The following MROH2B variants were observed in gnomAD, a reference collection of about 807,000 sequenced individuals.
MROH2B encodes the protein maestro heat like repeat family member 2B, also known as maestro heat-like repeat-containing protein family member 2B.
A neutral mutation model predicts 208.6 loss-of-function variants in MROH2B; 177 were observed. The observed-to-expected ratio is 0.85, with a 90% confidence interval of 0.75 to 0.96. MROH2B has a LOEUF of 0.96. Among genes scored for constraint, MROH2B ranks in the 40% least tolerant of loss-of-function variants. The pLI is 0.00. For missense variants in MROH2B, 2,002 were observed against 1,878.7 expected, an observed-to-expected ratio of 1.07 and a Z score of -1.21; for synonymous variants, 728 against 659.0, an observed-to-expected ratio of 1.10 and a Z score of -1.60.
chr5:41,032,996 A>G (rs2150166894), intron 23 of MROH2B, 45 bp downstream of exon 23: 1 of 1,609,642 alleles, frequency 6.2e-7, no homozygotes, highest in South Asian at 1.1e-5. Context: ...AACTCTTGGT[A>G]ATGGAATACT....
Position 41,005,413 on chromosome 5 carries a change from A to ACCC in MROH2B, c.3864+115_3864+117dup, listed in dbSNP as rs1554046603. On this transcript the variant is annotated intron_variant, in intron 35 of 41. Coordinates refer to ENST00000399564, the MANE Select transcript of MROH2B (RefSeq NM_173489.5). ...CAGTAGCTGGTCTCTCCTCTATGAA[A>ACCC]CCCCCCCCCCCCTTGAAGTCTCTCT... The ACCC allele has an allele frequency of 7.4e-4, 152 of 204,642 alleles. 2 individuals are homozygous for ACCC. Among genetic ancestry groups the ACCC allele is most frequent in the Admixed American group, 3.9e-3 (61 of 15,696 alleles). The allele number at this position is 204,642 out of a possible 1,614,324, so 12.7% of individuals were successfully genotyped here.
At chr5:41,024,480 G>A (rs1424009650) in intron 24 of MROH2B, among the ~76,000 whole-genome samples, 3 of 152,114 alleles carry the variant, frequency 2.0e-5, no homozygotes, top group South Asian at 4.1e-4. Context: ...AACAAGAAGA[G>A]CTAACTATCC....
intron 35 of MROH2B, chr5:41,005,261 A>G (rs1741540028): frequency 9.4e-6 from 5 of 534,564 alleles, no homozygotes; most frequent in South Asian, 2.9e-5. Context: ...CAGTGCTACA[A>G]TGCTTTGTTT....
intron 12 of MROH2B, 28 bp downstream of exon 12, chr5:41,052,437 A>G (rs1257657546): frequency 1.9e-6 from 3 of 1,584,728 alleles, no homozygotes; most frequent in Non-Finnish European, 1.7e-6. Flanking sequence ...TTTATAGTGC[A>G]TCACTCAAAA....
At chr5:41,070,721 C>T (rs1245298291) in intron 1 of MROH2B, 104 bp downstream of exon 1, 2 of 1,141,830 alleles carry the variant, frequency 1.8e-6, no homozygotes, top group Non-Finnish European at 2.6e-6. Flanking sequence ...GTGTACAGTC[C>T]TCCCACAATG....
At chr5:41,015,037 C>T (rs890814661) in intron 29 of MROH2B, among the ~76,000 whole-genome samples, 4 of 152,200 alleles carry the variant, frequency 2.6e-5, no homozygotes, top group Admixed American at 6.5e-5. Flanking sequence ...ACAACAACCA[C>T]AAAATGGTCT....
rs61745467 is a variant in MROH2B, at chr5:40,998,639, A to G, written c.4624T>C (p.Leu1542=). ...VLNLTSQYVE[L]LDREQLTTRL... ...GTGGTCAGTTGTTCTCTGTCTAGTAACTCCACATATTGGCTGGTCAAATTG... is the reference window on the plus strand; with the variant it reads ...GTGGTCAGTTGTTCTCTGTCTAGTAGCTCCACATATTGGCTGGTCAAATTG... Residue 1542 remains leucine, a synonymous_variant, in exon 41 of 42, where the codon TTA becomes CTA. Transcript: ENST00000399564. The G allele has an allele frequency of 8.6e-4, 1,376 of 1,596,300 alleles. 12 individuals are homozygous for G. The African/African-American group carries it at 0.015, about 17-fold the overall frequency.
At chr5:41,021,231 T>A (rs753132807) in intron 24 of MROH2B, among the ~76,000 whole-genome samples, 2 of 152,150 alleles carry the variant, frequency 1.3e-5, no homozygotes, top group African/African-American at 2.4e-5. Flanking sequence ...TACTTAGGAA[T>A]AAACTTAACC....
chr5:41,035,233 A>G (rs1248314612), intron 21 of MROH2B, among the ~76,000 whole-genome samples: 1 of 152,134 alleles, frequency 6.6e-6, no homozygotes, highest in Non-Finnish European at 1.5e-5. Context: ...TGGCACAAAA[A>G]CAGACACATA....
intron 18 of MROH2B, among the ~76,000 whole-genome samples, chr5:41,042,862 C>T (rs1243276654): frequency 6.6e-6 from 1 of 152,212 alleles, no homozygotes; most frequent in Non-Finnish European, 1.5e-5. Context: ...GCTTCAGCCT[C>T]CTGAAGTGCT....
chr5:41,005,136 C>T (rs1189101009), intron 35 of MROH2B: 5 of 582,380 alleles, frequency 8.6e-6, no homozygotes, highest in Non-Finnish European at 1.5e-5. Context: ...AACCCGGTTA[C>T]CTGCATAACA....
chr5:41,009,346 C>G lies in MROH2B; in HGVS notation c.3354G>C (p.Leu1118Phe), dbSNP rs749731943. Residue 1118 changes from leucine (L) to phenylalanine (F), a missense_variant, in exon 32 of 42, where the codon TTG (leucine) becomes TTC (phenylalanine). Physicochemically the swap from Leu to Phe is conservative, Grantham distance 22 (BLOSUM62 0). Transcript: ENST00000399564. ...TCTCCAGTTTGTCTATTAAGGCTTG[C>G]AAGAGTTTCCCACTGGAGGCTGGCT... ...AEKPASSGKLLQALIDKLETE... is the reference protein window; with the variant it reads ...AEKPASSGKLFQALIDKLETE... 1.9e-6 allele frequency: 3 copies of G among 1,613,924 alleles called. No homozygotes were observed. The highest frequency in any genetic ancestry group is 2.5e-6 in the Non-Finnish European group (3 of 1,179,818).
chr5:40,998,441 C>A (rs1741279304), intron 41 of MROH2B, among the ~76,000 whole-genome samples, 171 bp downstream of exon 41: 1 of 152,166 alleles, frequency 6.6e-6, no homozygotes, highest in South Asian at 2.1e-4. Flanking sequence ...AGGGCTGGAG[C>A]TGGAGATTGC....
intron 6 of MROH2B, among the ~76,000 whole-genome samples, chr5:41,059,152 C>G (rs537839807): frequency 4.5e-4 from 68 of 152,084 alleles, no homozygotes; most frequent in Non-Finnish European, 6.9e-4. Flanking sequence ...TGGAGCAAAG[C>G]GTTTCCAAGG....
intron 7 of MROH2B, among the ~76,000 whole-genome samples, chr5:41,057,804 C>G (rs1258976721): frequency 6.6e-6 from 1 of 151,718 alleles, no homozygotes; most frequent in African/African-American, 2.4e-5. Context: ...AGTGATCCAC[C>G]CGCCTCGGCC....
In MROH2B at chr5:41,027,356, A is replaced by T. The variant is rs139310607; in HGVS notation, c.2441+5386T>A. ...CAAATTTACAAGGAAAAATCAAACA[A>T]CCCCATCAAAAAGTGGGCAAAGGAT... On this transcript the variant is annotated intron_variant, in intron 24 of 41. Transcript: ENST00000399564. 6.5e-4 allele frequency among the ~76,000 whole-genome samples: 99 copies of T among 152,272 alleles called. No individual in the cohort carries two copies. The East Asian group carries it at 0.013, about 20-fold the overall frequency.
At position 41,004,846 on chromosome 5, in the gene MROH2B, C is replaced by G; in HGVS notation, c.3939G>C (p.Trp1313Cys). ...NVLILMDQSA[W>C]DSNATLRQMA... ...TCTGCCTCAGAGTGGCGTTGGAGTC[C>G]CAGGCACTTTGATCCATCAAGATCA... The change falls in exon 36 of 42, where the codon TGG (tryptophan) becomes TGC (cysteine). Residue 1313 changes from tryptophan (W) to cysteine (C), a missense_variant. Physicochemically the swap from Trp to Cys is radical, Grantham distance 215. Coordinates refer to ENST00000399564, the MANE Select transcript of MROH2B (RefSeq NM_173489.5). 6.2e-7 allele frequency: 1 copy of G among 1,614,008 alleles called. No individual in the cohort carries two copies. Among genetic ancestry groups the G allele is most frequent in the Non-Finnish European group, 8.5e-7 (1 of 1,179,892 alleles).
intron 29 of MROH2B, 90 bp from the exon 30 acceptor site, chr5:41,012,825 A>G (rs1741816976): frequency 4.0e-6 from 6 of 1,500,158 alleles, no homozygotes; most frequent in Non-Finnish European, 5.4e-6. Context: ...TGTTTTGGGT[A>G]TTAGAAACCA....
At chr5:41,054,926 G>A (rs1391738518) in intron 10 of MROH2B, 86 bp from the exon 11 acceptor site, 8 of 889,116 alleles carry the variant, frequency 9.0e-6, no homozygotes, top group Non-Finnish European at 1.3e-5. Context: ...TTAGAATTAT[G>A]GCACATAATT....
Sources: allele counts gnomAD v4.1 joint callset (sites outside exome capture counted in the v4.1 genomes callset), GRCh38; gene constraint gnomAD v4.1.1; transcripts MANE v1.5; gene names NCBI Gene and HGNC (gene_info 2026-07-23, HGNC 2026-07-21).